PRTFDC1: variants seen among roughly 807,000 people sequenced by gnomAD.
The protein encoded by PRTFDC1 is phosphoribosyltransferase domain-containing protein 1.
Under a neutral mutation model 34.6 loss-of-function variants are expected in PRTFDC1, and 38 were observed. The observed-to-expected ratio is 1.10, with a 90% confidence interval of 0.85 to 1.44. PRTFDC1 has a LOEUF of 1.44. Ranked by LOEUF, PRTFDC1 falls within the 40% of genes most tolerant of loss-of-function variation. The pLI is 0.00. For synonymous variants in PRTFDC1, 93 were observed against 98.1 expected (o/e 0.95, Z 0.31); for missense variants, 270 against 283.0 (o/e 0.95, Z 0.33).
intron 3 of PRTFDC1, among the ~76,000 whole-genome samples, chr10:24,912,510 C>T (rs1848641750): frequency 6.6e-6 from 1 of 151,842 alleles, no homozygotes; most frequent in African/African-American, 2.4e-5. Context: ...AAAATCTTCC[C>T]ATGTTCTCAC....
At chr10:24,908,407 A>C in intron 3 of PRTFDC1, 2 of 1,467,282 alleles carry the variant, frequency 1.4e-6, no homozygotes, top group Non-Finnish European at 1.8e-6. Context: ...CACAGTGTCC[A>C]GTTTCTTCAT....
intron 7 of PRTFDC1, among the ~76,000 whole-genome samples, chr10:24,854,526 G>T (rs1156437055): frequency 1.3e-5 from 2 of 152,114 alleles, no homozygotes; most frequent in African/African-American, 4.8e-5. Flanking sequence ...GAGCTTTGGA[G>T]CAAATGTAAG....
intron 3 of PRTFDC1, among the ~76,000 whole-genome samples, chr10:24,880,847 C>CTTTCTTTCTTTCTTTCTT (rs1565264519): frequency 2.3e-4 from 34 of 149,222 alleles, no homozygotes; most frequent in African/African-American, 7.7e-4. Context: ...TTCTTTCTTT[C>CTTTCTTTCTTTCTTTCTT]TTTCTTTCTT....
At chr10:24,902,462 A>T (rs1230513530) in intron 3 of PRTFDC1, among the ~76,000 whole-genome samples, 1 of 152,202 alleles carries the variant, frequency 6.6e-6, no homozygotes, top group Non-Finnish European at 1.5e-5. Context: ...TGTGTAGTTC[A>T]GGCCTTTTGC....
intron 7 of PRTFDC1, among the ~76,000 whole-genome samples, chr10:24,853,781 A>G (rs985040438): frequency 7.2e-5 from 11 of 152,196 alleles, no homozygotes; most frequent in Admixed American, 5.2e-4. Context: ...GAATAAAAGG[A>G]TGATGGATCA....
At chr10:24,917,695 T>C (rs1848716727) in intron 3 of PRTFDC1, among the ~76,000 whole-genome samples, 1 of 152,114 alleles carries the variant, frequency 6.6e-6, no homozygotes, top group South Asian at 2.1e-4. Context: ...GGGGCAGAGA[T>C]TGATGACAGA....
intron 3 of PRTFDC1, among the ~76,000 whole-genome samples, chr10:24,886,787 A>G (rs12262875): frequency 0.27 from 41,576 of 151,538 alleles, 6,795 homozygotes; most frequent in African/African-American, 0.45. Context: ...AATTTTTTAC[A>G]CATTTCTAAC....
intron 3 of PRTFDC1, among the ~76,000 whole-genome samples, chr10:24,911,497 A>C (rs1848626192): frequency 6.6e-6 from 1 of 152,194 alleles, no homozygotes; most frequent in Admixed American, 6.5e-5. Flanking sequence ...CAGTTTGTGG[A>C]CATTTGAATT....
chr10:24,902,396 T>C (rs955199314), intron 3 of PRTFDC1, among the ~76,000 whole-genome samples: 2 of 152,178 alleles, frequency 1.3e-5, no homozygotes, highest in African/African-American at 4.8e-5. Flanking sequence ...GTACAGTTGA[T>C]CATCTTGAAA....
At chr10:24,851,256 A>G (rs1847482355) in intron 8 of PRTFDC1, 132 bp downstream of exon 8, 6 of 1,300,262 alleles carry the variant, frequency 4.6e-6, no homozygotes, top group Admixed American at 3.1e-5. Flanking sequence ...GTATGGATGC[A>G]ATGTGCTCAC....
At chr10:24,856,552 C>T (rs1847579852) in intron 6 of PRTFDC1, among the ~76,000 whole-genome samples, 1 of 152,126 alleles carries the variant, frequency 6.6e-6, no homozygotes, top group Non-Finnish European at 1.5e-5. Context: ...TGTGCTACTG[C>T]ACTCCAGCCC....
chr10:24,947,095 G>A (rs555081546), intron 1 of PRTFDC1, among the ~76,000 whole-genome samples: 2 of 152,298 alleles, frequency 1.3e-5, no homozygotes, highest in East Asian at 3.9e-4. Context: ...AGCCATGATC[G>A]CATCACTGCC....
At chr10:24,863,377 A>G (rs527501027) in intron 4 of PRTFDC1, among the ~76,000 whole-genome samples, 1 of 152,194 alleles carries the variant, frequency 6.6e-6, no homozygotes, top group Non-Finnish European at 1.5e-5. Context: ...ATTGAAATGA[A>G]TATTTTATGG....
intron 3 of PRTFDC1, among the ~76,000 whole-genome samples, chr10:24,910,626 C>A (rs1362097946): frequency 1.3e-5 from 2 of 152,088 alleles, no homozygotes; most frequent in African/African-American, 4.8e-5. Flanking sequence ...TAAAACCCAG[C>A]ATACAAAAAT....
At chr10:24,908,746 G>A (rs940668413) in intron 3 of PRTFDC1, 72 of 1,499,228 alleles carry the variant, frequency 4.8e-5, no homozygotes, top group Middle Eastern at 4.8e-4. Flanking sequence ...TAGCCAGCCC[G>A]ATCAGCCTGA....
Position 24,952,053 on chromosome 10 carries a change from T to C in PRTFDC1, c.48+475A>G, listed in dbSNP as rs1309792646. Among the ~76,000 whole-genome samples, 1 of 152,208 alleles carries C rather than the reference T, an allele frequency of 6.6e-6. No homozygotes were observed. The highest frequency in any genetic ancestry group is 1.5e-5 in the Non-Finnish European group (1 of 68,028). Reference sequence around the variant, plus strand: ...CAAAGGCTTCAAATCTCAAGCTCTGTCCACTTGAGCTACTTTATTTCCTAG... The same window carrying C: ...CAAAGGCTTCAAATCTCAAGCTCTGCCCACTTGAGCTACTTTATTTCCTAG... On this transcript the variant is annotated intron_variant, in intron 1 of 8. Transcript: ENST00000320152. The surrounding 1 kb of genome is among the most constrained non-coding windows in gnomAD (Gnocchi z 5.1).
chr10:24,905,081 T>C (rs889746459), intron 3 of PRTFDC1, among the ~76,000 whole-genome samples: 1 of 151,176 alleles, frequency 6.6e-6, no homozygotes, highest in Non-Finnish European at 1.5e-5. Context: ...CCGAGGTGGG[T>C]GGATCACTTG....
At chr10:24,853,368 T>C (rs1338439900) in intron 7 of PRTFDC1, among the ~76,000 whole-genome samples, 1 of 151,462 alleles carries the variant, frequency 6.6e-6, no homozygotes, top group African/African-American at 2.4e-5. Flanking sequence ...TCCCAGCACT[T>C]TGAGAGGCTT....
At chr10:24,857,076 T>A (rs1435550566) in intron 5 of PRTFDC1, 81 bp from the exon 6 acceptor site, 11 of 1,138,166 alleles carry the variant, frequency 9.7e-6, no homozygotes, top group Non-Finnish European at 5.4e-6. Context: ...ATACTCCTGA[T>A]TAATAATGCA....
Sources: gnomAD v4.1 joint callset for allele counts (sites outside exome capture counted in the v4.1 genomes callset) on GRCh38, gnomAD v4.1.1 for gene constraint, Gnocchi (gnomAD v3.1) non-coding constraint, MANE v1.5 for transcripts, NCBI Gene and HGNC (gene_info 2026-07-23, HGNC 2026-07-21) for gene names.